SF3B3: variants seen among roughly 807,000 people sequenced by gnomAD.
SF3B3 encodes the protein SAP 130.
In SF3B3, 33 loss-of-function variants were observed where a neutral mutation model predicts 139.2. The observed-to-expected ratio is 0.24, with a 90% CI of 0.18 to 0.32. The LOEUF (loss-of-function observed/expected upper bound fraction) is 0.32, where lower values mean the gene tolerates loss of function less well. Among genes scored for constraint, SF3B3 ranks in the 10% least tolerant of loss-of-function variants. The probability of loss-of-function intolerance (pLI) is 1.00; values close to 1 mark genes in which losing one functional copy is unlikely to be tolerated. For synonymous variants in SF3B3, 596 were observed against 563.6 expected (o/e 1.06, Z -0.81); for missense variants, 818 against 1,509.4 (o/e 0.54, Z 7.59).
In SF3B3 at chr16:70,563,857, C is replaced by T; in HGVS notation, c.2289-19C>T. On this transcript the variant is annotated intron_variant, in intron 17 of 25. Coordinates refer to ENST00000302516, the MANE Select transcript of SF3B3 (RefSeq NM_012426.5). ...GGTCCGAGTGAGTATTAAATAACTG[C>T]CTTGCTTTTTTGTCATAGGATTTTG... The T allele has an allele frequency of 2.5e-6, 4 of 1,612,950 alleles. No homozygotes were observed. Among genetic ancestry groups the T allele is most frequent in the African/African-American group, 2.7e-5 (2 of 74,974 alleles).
intron 4 of SF3B3, among the ~76,000 whole-genome samples, chr16:70,531,172 G>A (rs1420606087): frequency 6.6e-6 from 1 of 152,092 alleles, no homozygotes; most frequent in Non-Finnish European, 1.5e-5. Context: ...GGAAGCTGAG[G>A]CAGGAGAATG....
intron 22 of SF3B3, 31 bp from the exon 23 acceptor site, chr16:70,569,012 C>T: frequency 6.5e-7 from 1 of 1,537,106 alleles, no homozygotes; most frequent in Non-Finnish European, 8.9e-7. Context: ...GTCCGGGCCC[C>T]AGCAGTGTGA....
At chr16:70,554,313 G>A (rs759745891) in intron 11 of SF3B3, 133 bp from the exon 12 acceptor site, 1 of 752,998 alleles carries the variant, frequency 1.3e-6, no homozygotes, top group South Asian at 1.7e-5. Context: ...GCATGTGTAT[G>A]TGTGTATGTG....
intron 15 of SF3B3, among the ~76,000 whole-genome samples, chr16:70,558,254 G>GA (rs745911066): frequency 6.2e-5 from 9 of 145,254 alleles, no homozygotes; most frequent in Non-Finnish European, 8.9e-5. Flanking sequence ...CCACGAACAG[G>GA]AAAAAAGTAA....
intron 4 of SF3B3, 120 bp from the exon 5 acceptor site, chr16:70,532,359 A>AAAAAAAAAAAG: frequency 1.3e-6 from 1 of 773,898 alleles, no homozygotes; most frequent in Non-Finnish European, 2.0e-6. Flanking sequence ...TGTCTCTCCA[A>AAAAAAAAAAAG]AAAAAAAAGA....
intron 25 of SF3B3, 35 bp downstream of exon 25, chr16:70,571,234 C>G: frequency 6.9e-7 from 1 of 1,452,330 alleles, no homozygotes; most frequent in Non-Finnish European, 9.7e-7. Flanking sequence ...AAAGGGAGAT[C>G]TGAGAAAGGA....
chr16:70,548,276 C>A, intron 10 of SF3B3, 94 bp from the exon 11 acceptor site: 1 of 1,005,306 alleles, frequency 9.9e-7, no homozygotes, highest in South Asian at 1.3e-5. Context: ...ACGTTGTGAA[C>A]CCTGCCTTTG....
At position 70,528,911 on chromosome 16, in the gene SF3B3, A is replaced by G; in HGVS notation, c.109A>G (p.Ile37Val). The change falls in exon 3 of 26, where the codon ATC (isoleucine) becomes GTC (valine). Residue 37 changes from isoleucine to valine, a missense_variant. Transcript: ENST00000302516. Reference sequence around the variant, plus strand: ...AGAAATTGTTGTTTCCCGTGGGAAGATCTTGGAGCTGCTTCGCCCAGACCC... The same window carrying G: ...AGAAATTGTTGTTTCCCGTGGGAAGGTCTTGGAGCTGCTTCGCCCAGACCC... The part of the protein sequence containing the change: ...QQEIVVSRGK[I>V]LELLRPDPNT... The G allele has an allele frequency of 6.2e-7, 1 of 1,613,366 alleles. No individual in the cohort carries two copies. The highest frequency in any genetic ancestry group is 8.5e-7 in the Non-Finnish European group (1 of 1,179,458).
Position 70,556,207 on chromosome 16 carries a change from G to A in SF3B3, c.1739G>A (p.Arg580Gln). 5 of 1,614,164 alleles carry A rather than the reference G, an allele frequency of 3.1e-6. No individual in the cohort carries two copies. Among genetic ancestry groups the A allele is most frequent in the South Asian group, 1.1e-5 (1 of 91,084 alleles). The change falls in exon 14 of 26, where the codon CGG becomes CAG. Residue 580 changes from arginine to glutamine, a missense_variant. By Grantham distance (43) the Arg-to-Gln change is conservative. Coordinates refer to ENST00000302516, the MANE Select transcript of SF3B3 (RefSeq NM_012426.5). The part of the protein sequence containing the change: ...PSGQLNEYTE[R>Q]KEMSADVVCM... ...GGACAGCTGAATGAGTACACAGAAC[G>A]GAAGGAGATGTCAGCAGATGTGGTG...
intron 5 of SF3B3, among the ~76,000 whole-genome samples, chr16:70,533,520 C>A (rs2050140378): frequency 6.6e-6 from 1 of 152,124 alleles, no homozygotes; most frequent in African/African-American, 2.4e-5. Flanking sequence ...AAATCAGATT[C>A]AGTGTTTTAA....
intron 6 of SF3B3, among the ~76,000 whole-genome samples, chr16:70,536,400 G>C (rs1360197176): frequency 6.6e-6 from 1 of 151,980 alleles, no homozygotes; most frequent in African/African-American, 2.4e-5. Context: ...GTCTCGCTCT[G>C]TCACCCAGGC....
intron 8 of SF3B3, among the ~76,000 whole-genome samples, chr16:70,541,203 T>C (rs978227673): frequency 2.0e-5 from 3 of 152,258 alleles, no homozygotes; most frequent in African/African-American, 7.2e-5. Flanking sequence ...ATGAGTGATG[T>C]TGAGCATCTT....
At chr16:70,559,343 A>G (rs568568708) in intron 15 of SF3B3, among the ~76,000 whole-genome samples, 57 of 152,236 alleles carry the variant, frequency 3.7e-4, no homozygotes, top group African/African-American at 1.4e-3. Flanking sequence ...AGTGAGGGCC[A>G]CAGCACTCCT....
chr16:70,571,348 C>T, intron 25 of SF3B3, 149 bp downstream of exon 25: 1 of 639,858 alleles, frequency 1.6e-6, no homozygotes, highest in Admixed American at 2.8e-5. Flanking sequence ...CCAATCTGAA[C>T]TCTGAGTACC....
chr16:70,559,484 C>T (rs572530494), intron 15 of SF3B3, among the ~76,000 whole-genome samples: 4 of 151,972 alleles, frequency 2.6e-5, no homozygotes, highest in Non-Finnish European at 2.9e-5. Context: ...CTCAGGAGTT[C>T]GAGACTAGCC....
rs867302202 is a variant in SF3B3, at chr16:70,536,609, T to C, written c.825+1189T>C. ...TTCCTGACCTCGTGATCTGCCCGCC[T>C]CGGCCTCCCAAAGTGCTGGGATTAC... is the stretch of plus-strand genomic sequence containing the variant. On this transcript the variant is annotated intron_variant, in intron 6 of 25. Transcript: ENST00000302516. 2.7e-4 allele frequency among the ~76,000 whole-genome samples: 41 copies of C among 151,956 alleles called. No homozygotes were observed. In the Middle Eastern group the frequency reaches 0.031, roughly 113 times the overall value.
At chr16:70,553,568 A>G (rs2050349865) in intron 11 of SF3B3, among the ~76,000 whole-genome samples, 1 of 151,648 alleles carries the variant, frequency 6.6e-6, no homozygotes, top group Admixed American at 6.6e-5. Context: ...AAAAATTAGC[A>G]TGCCTTTAGT....
chr16:70,558,155 C>G (rs2050395353), intron 15 of SF3B3, among the ~76,000 whole-genome samples: 1 of 152,104 alleles, frequency 6.6e-6, no homozygotes. Context: ...TTCCTGTATC[C>G]TCTGTATCAA....
At chr16:70,525,693 G>A (rs1370510260) in intron 1 of SF3B3, among the ~76,000 whole-genome samples, 1 of 151,922 alleles carries the variant, frequency 6.6e-6, no homozygotes. Context: ...TGGGCTGGGC[G>A]CGGTGGCTCA....
Sources: allele counts gnomAD v4.1 joint callset (sites outside exome capture counted in the v4.1 genomes callset), GRCh38; gene constraint gnomAD v4.1.1; transcripts MANE v1.5; gene names NCBI Gene and HGNC (gene_info 2026-07-23, HGNC 2026-07-21).